CRYBG2: variants seen among roughly 807,000 people sequenced by gnomAD.
CRYBG2 encodes beta/gamma crystallin domain-containing protein 2.
Under a neutral mutation model 153.4 loss-of-function variants are expected in CRYBG2, and 106 were observed. That is an observed-to-expected ratio of 0.69 (90% CI 0.59 to 0.81). CRYBG2 has a LOEUF of 0.81. Among genes scored for constraint, CRYBG2 ranks in the 30% least tolerant of loss-of-function variants. CRYBG2 has a pLI of 0.00. For synonymous variants in CRYBG2, 851 were observed against 877.8 expected, an observed-to-expected ratio of 0.97 and a Z score of 0.54; for missense variants, 1,996 against 2,112.0, an observed-to-expected ratio of 0.95 and a Z score of 1.08.
intron 16 of CRYBG2, 109 bp from the exon 17 acceptor site, chr1:26,328,441 C>A: frequency 6.9e-7 from 1 of 1,449,966 alleles, no homozygotes; most frequent in Non-Finnish European, 9.3e-7. Context: ...TCCTCTTCTC[C>A]CATGGAGGGA....
intron 16 of CRYBG2, 71 bp downstream of exon 16, chr1:26,328,663 C>CA (rs1378758789): frequency 6.5e-7 from 1 of 1,533,952 alleles, no homozygotes; most frequent in African/African-American, 1.4e-5. Flanking sequence ...CAGAGACCCC[C>CA]AGGATCTCTG....
chr1:26,344,836 C>T lies in CRYBG2; in HGVS notation c.1822G>A (p.Ala608Thr). 1 of 1,534,646 alleles carries T rather than the reference C, an allele frequency of 6.5e-7. No homozygotes were observed. The highest frequency in any genetic ancestry group is 8.7e-7 in the Non-Finnish European group (1 of 1,146,022). ...EVVKGPCAPA[A>T]SSPTQKEVVQ... The stretch of plus-strand genomic sequence containing the variant: ...ACCTCCTTCTGGGTGGGAGATGAGG[C>T]AGCAGGAGCACAGGGGCCCTTCACA... Residue 608 changes from alanine (A) to threonine (T), a missense_variant, in exon 2 of 20, where the codon GCC (alanine) becomes ACC (threonine). Transcript: ENST00000308182.
rs2074258148 is a variant in CRYBG2, at chr1:26,349,092, C to A, written c.-55-2380G>T. ...GCTGAGGTAGGAGAATCGCTTGAAC[C>A]TGGGGGGCGGAGGTTGCAGTGAGCT... is the stretch of plus-strand genomic sequence containing the variant. On this transcript the variant is annotated intron_variant, in intron 1 of 19. Coordinates refer to ENST00000308182, the MANE Select transcript of CRYBG2 (RefSeq NM_001039775.4). Among the ~76,000 whole-genome samples, 11 of 152,004 alleles carry A rather than the reference C, an allele frequency of 7.2e-5. No individual in the cohort carries two copies. In the South Asian group the frequency reaches 2.3e-3, roughly 32 times the overall value.
rs1045438043 is a variant in CRYBG2 at position 26,321,865 on chromosome 1, T to C, written c.*103A>G. 7 of 1,022,438 alleles carry C rather than the reference T, an allele frequency of 6.8e-6. No homozygotes were observed. Among genetic ancestry groups the C allele is most frequent in the Middle Eastern group, 2.3e-4 (1 of 4,300 alleles). The allele number at this position is 1,022,438 out of a possible 1,614,324, so 63.3% of individuals were successfully genotyped here. On this transcript the variant is annotated 3_prime_UTR_variant, in exon 20 of 20. Coordinates refer to ENST00000308182, the MANE Select transcript of CRYBG2 (RefSeq NM_001039775.4). ...ATATCAAGGTGCACAGAGACAAGGGTACCTGGCAGCATATTAGAAAATAGC... is the reference window on the plus strand; with the variant it reads ...ATATCAAGGTGCACAGAGACAAGGGCACCTGGCAGCATATTAGAAAATAGC...
At position 26,343,436 on chromosome 1, in the gene CRYBG2, T is replaced by G; in HGVS notation, c.2914-143A>C. On this transcript the variant is annotated intron_variant, in intron 2 of 19. Transcript: ENST00000308182. The surrounding 1 kb of genome is among the most constrained non-coding windows in gnomAD (Gnocchi z 4.1). The stretch of plus-strand genomic sequence containing the variant: ...GGCGCATAGAGGATGCTCACACTTG[T>G]TCCCAACCCCCAAGGGCCTCATCAC... 1 of 1,065,474 alleles carries G rather than the reference T, an allele frequency of 9.4e-7. No homozygotes were observed. Among genetic ancestry groups the G allele is most frequent in the Non-Finnish European group, 1.4e-6 (1 of 718,938 alleles). The allele number at this position is 1,065,474 out of a possible 1,614,324, so 66.0% of individuals were successfully genotyped here.
chr1:26,346,005 G>C lies in CRYBG2; in HGVS notation c.653C>G (p.Pro218Arg). The C allele has an allele frequency of 6.3e-7, 1 of 1,593,850 alleles. No individual in the cohort carries two copies. The highest frequency in any genetic ancestry group is 8.5e-7 in the Non-Finnish European group (1 of 1,177,522). ...PRGRQVSRMV[P>R]PVVVGSPPGS... ...TGGTGGGGAGCCCACCACCACTGGC[G>C]GCACCATGCGGGAGACCTGACGGCC... The change falls in exon 2 of 20, where the codon CCG becomes CGG. Residue 218 changes from proline (P) to arginine (R), a missense_variant. Pro to Arg is a moderately radical substitution (Grantham distance 103). Transcript: ENST00000308182. The surrounding 1 kb of genome is among the most constrained non-coding windows in gnomAD (Gnocchi z 4.9).
chr1:26,327,878 TG>T (rs2073950759), intron 17 of CRYBG2, among the ~76,000 whole-genome samples: 1 of 139,058 alleles, frequency 7.2e-6, no homozygotes, highest in South Asian at 2.2e-4. Context: ...ACCCGGGAGG[TG>T]GAGGCTGCAG....
chr1:26,322,285 AGG>A lies in CRYBG2; in HGVS notation c.4774_4775del (p.Pro1592Ter). 1 of 1,613,678 alleles carries A rather than the reference AGG, an allele frequency of 6.2e-7. No individual in the cohort carries two copies. The highest frequency in any genetic ancestry group is 8.5e-7 in the Non-Finnish European group (1 of 1,179,988). ...ACAGCACCACCTTGGAGCCTGGGCT[AGG>A]GGGTCCAATCACCTGTAGGCTCATG... ...PTMSLQVIGP[P>X]SPGSKVVLWA... On this transcript the variant is annotated frameshift_variant, in exon 19 of 20. Coordinates refer to ENST00000308182, the MANE Select transcript of CRYBG2 (RefSeq NM_001039775.4). LOFTEE classifies it high-confidence loss of function.
intron 4 of CRYBG2, 47 bp downstream of exon 4, chr1:26,342,999 TC>T: frequency 6.5e-7 from 1 of 1,534,054 alleles, no homozygotes; most frequent in Non-Finnish European, 8.8e-7. Flanking sequence ...CCCCTCTGCA[TC>T]CCCCCAGGTT....
rs11247915 is a variant in CRYBG2 at position 26,324,059 on chromosome 1, C to A, written c.4737+93G>T. On this transcript the variant is annotated intron_variant, in intron 18 of 19. Transcript: ENST00000308182. ...CCAGGGTCCTGGCTTCTGTGTGCATCCCTCTGTGTTCCTGATTGGGCTGGG... is the reference window on the plus strand; with the variant it reads ...CCAGGGTCCTGGCTTCTGTGTGCATACCTCTGTGTTCCTGATTGGGCTGGG... The A allele has an allele frequency of 0.48, 656,537 of 1,370,862 alleles. 166,416 individuals carry two copies. The highest frequency in any genetic ancestry group is 0.53 in the Non-Finnish European group (522,884 of 994,010). 84.9% of individuals were successfully genotyped at this position (1,370,862 alleles called of 1,614,324 possible).
Position 26,336,710 on chromosome 1 carries a change from C to A in CRYBG2, c.3934G>T (p.Gly1312Cys). 6.3e-7 allele frequency: 1 copy of A among 1,578,310 alleles called. No homozygotes were observed. Among genetic ancestry groups the A allele is most frequent in the Non-Finnish European group, 8.6e-7 (1 of 1,161,778 alleles). The change falls in exon 12 of 20, where the codon GGC becomes TGC. Residue 1312 changes from glycine to cysteine, a missense_variant. Transcript: ENST00000308182. The surrounding 1 kb of genome is among the most constrained non-coding windows in gnomAD (Gnocchi z 4.9). ...SGVWVAYQEV[G>C]FSGEQYVLEK... Reference sequence around the variant, plus strand: ...AGCACGTACTGTTCCCCGGAGAAGCCCACCTCCTGGTAGGCCACCCACCTG... The same window carrying A: ...AGCACGTACTGTTCCCCGGAGAAGCACACCTCCTGGTAGGCCACCCACCTG...
At position 26,328,380 on chromosome 1, in the gene CRYBG2, G is replaced by A. The variant is rs1313830458; in HGVS notation, c.4455-48C>T. 7 of 1,536,112 alleles carry A rather than the reference G, an allele frequency of 4.6e-6. No individual in the cohort carries two copies. In the Admixed American group the frequency reaches 1.4e-4, roughly 30 times the overall value. ...ACACAGAGAAGAGCACAGACACACA[G>A]ACAGACAGACAGGTGGAGGAGGAGA... On this transcript the variant is annotated intron_variant, in intron 16 of 19. Coordinates refer to ENST00000308182, the MANE Select transcript of CRYBG2 (RefSeq NM_001039775.4).
chr1:26,344,834 G>A lies in CRYBG2; in HGVS notation c.1824C>T (p.Ala608=), dbSNP rs780960132. 28 of 1,534,740 alleles carry A rather than the reference G, an allele frequency of 1.8e-5. No homozygotes were observed. Among genetic ancestry groups the A allele is most frequent in the Middle Eastern group, 3.4e-4 (2 of 5,932 alleles). Residue 608 remains alanine, a synonymous_variant, in exon 2 of 20, where the codon GCC becomes GCT. Coordinates refer to ENST00000308182, the MANE Select transcript of CRYBG2 (RefSeq NM_001039775.4). ...CCACCTCCTTCTGGGTGGGAGATGA[G>A]GCAGCAGGAGCACAGGGGCCCTTCA... ...EVVKGPCAPA[A]SSPTQKEVVQ... is the part of the protein sequence containing the mutation.
Position 26,345,529 on chromosome 1 carries a change from T to G in CRYBG2, c.1129A>C (p.Thr377Pro), listed in dbSNP as rs2074203651. Residue 377 changes from threonine (T) to proline (P), a missense_variant, in exon 2 of 20, where the codon ACT becomes CCT. By Grantham distance (38) the Thr-to-Pro change is conservative. Coordinates refer to ENST00000308182, the MANE Select transcript of CRYBG2 (RefSeq NM_001039775.4). ...THPAKQPVVP[T>P]HPGARLTPLV... ...GGAGTGAGCCGGGCCCCGGGGTGAGTGGGCACCACAGGCTGCTTTGCAGGG... is the reference window on the plus strand; with the variant it reads ...GGAGTGAGCCGGGCCCCGGGGTGAGGGGGCACCACAGGCTGCTTTGCAGGG... 6.3e-7 allele frequency: 1 copy of G among 1,598,762 alleles called. No homozygotes were observed. The highest frequency in any genetic ancestry group is 1.1e-5 in the South Asian group (1 of 90,144).
chr1:26,328,337 G>A lies in CRYBG2; in HGVS notation c.4455-5C>T, dbSNP rs1359788157. The A allele has an allele frequency of 6.4e-7, 1 of 1,567,418 alleles. No individual in the cohort carries two copies. The highest frequency in any genetic ancestry group is 8.7e-7 in the Non-Finnish European group (1 of 1,155,722). ...CTGTGTTCACATAGCACCCAACTGG[G>A]CCCAGCAGGTGTCAGGGACACAGAG... On this transcript the variant is annotated splice_polypyrimidine_tract_variant and splice_region_variant and intron_variant, in intron 16 of 19. Coordinates refer to ENST00000308182, the MANE Select transcript of CRYBG2 (RefSeq NM_001039775.4).
rs2074161101 is a variant in CRYBG2 at position 26,343,666 on chromosome 1, C to T, written c.2913+79G>A. On this transcript the variant is annotated intron_variant, in intron 2 of 19. Coordinates refer to ENST00000308182, the MANE Select transcript of CRYBG2 (RefSeq NM_001039775.4). The surrounding 1 kb of genome is among the most constrained non-coding windows in gnomAD (Gnocchi z 4.1). ...TCTGCCCCCAGACTCTGACTCCCAG[C>T]ACCACTCTCTTCACACCACTCAAGC... 2 of 1,415,420 alleles carry T rather than the reference C, an allele frequency of 1.4e-6. No homozygotes were observed. The highest frequency in any genetic ancestry group is 1.9e-6 in the Non-Finnish European group (2 of 1,079,104). The allele number at this position is 1,415,420 out of a possible 1,614,324, so 87.7% of individuals were successfully genotyped here. A position where few individuals can be genotyped will look rare whatever the true frequency, so the allele number is the denominator to read the frequency against.
chr1:26,328,389 A>G (rs2073958885), intron 16 of CRYBG2, 57 bp from the exon 17 acceptor site: 25 of 1,541,860 alleles, frequency 1.6e-5, no homozygotes, highest in Non-Finnish European at 2.2e-5. Flanking sequence ...AGACAGACAG[A>G]CAGGTGGAGG....
intron 5 of CRYBG2, among the ~76,000 whole-genome samples, chr1:26,340,419 A>C (rs745575273): frequency 6.6e-6 from 1 of 152,172 alleles, no homozygotes; most frequent in Non-Finnish European, 1.5e-5. Context: ...TCACTGTTGC[A>C]ACCCAGCACC....
chr1:26,328,358 CAGAGA>C (rs764663321), intron 16 of CRYBG2, 26 bp from the exon 17 acceptor site: 4 of 1,559,176 alleles, frequency 2.6e-6, no homozygotes, highest in Middle Eastern at 1.7e-4. Context: ...GTCAGGGACA[CAGAGA>C]AGAGCACAGA....
Sources: allele counts gnomAD v4.1 joint callset (sites outside exome capture counted in the v4.1 genomes callset), GRCh38; gene constraint gnomAD v4.1.1; non-coding constraint Gnocchi (gnomAD v3.1); transcripts MANE v1.5; gene names NCBI Gene and HGNC (gene_info 2026-07-23, HGNC 2026-07-21).